Variants in STK32A observed in about 807,000 individuals in gnomAD.
The protein encoded by STK32A is serine/threonine kinase 32A.
A neutral mutation model predicts 53.2 loss-of-function variants in STK32A; 41 were observed. The ratio of observed to expected loss-of-function variants is 0.77; its 90% CI spans 0.60 to 1.00. The LOEUF (loss-of-function observed/expected upper bound fraction) is 1.00, where lower values mean the gene tolerates loss of function less well. STK32A is among the 50% of genes least tolerant of loss of function. The pLI is 0.00. For synonymous variants in STK32A, 166 were observed against 162.8 expected (o/e 1.02, Z -0.15); for missense variants, 458 against 485.8 (o/e 0.94, Z 0.54).
intron 6 of STK32A, 41 bp from the exon 7 acceptor site, chr5:147,351,024 A>C: frequency 1.3e-6 from 2 of 1,566,696 alleles, no homozygotes; most frequent in East Asian, 4.5e-5. Context: ...CACTGGGTTG[A>C]ATGGGACTTA....
chr5:147,251,248 G>C (rs886830744), intron 2 of STK32A, among the ~76,000 whole-genome samples: 1 of 152,110 alleles, frequency 6.6e-6, no homozygotes, highest in Non-Finnish European at 1.5e-5. Flanking sequence ...AATTCTAACT[G>C]TCTCTTAGGC....
At chr5:147,276,783 A>G (rs1755280499) in intron 2 of STK32A, among the ~76,000 whole-genome samples, 1 of 152,204 alleles carries the variant, frequency 6.6e-6, no homozygotes, top group African/African-American at 2.4e-5. Flanking sequence ...GTACGTAAAC[A>G]GCTTTAGTAG....
chr5:147,307,094 C>T (rs1753442977), intron 4 of STK32A, among the ~76,000 whole-genome samples: 1 of 151,828 alleles, frequency 6.6e-6, no homozygotes, highest in African/African-American at 2.4e-5. Context: ...CATAATATAC[C>T]AGAAGTAAAA....
chr5:147,265,226 T>G (rs1237870904), intron 2 of STK32A, among the ~76,000 whole-genome samples: 1 of 151,246 alleles, frequency 6.6e-6, no homozygotes, highest in African/African-American at 2.4e-5. Context: ...ATTTCAAATA[T>G]CTTGTAAATG....
chr5:147,282,409 G>A (rs1752108014), intron 4 of STK32A, among the ~76,000 whole-genome samples: 1 of 152,062 alleles, frequency 6.6e-6, no homozygotes, highest in Non-Finnish European at 1.5e-5. Context: ...AGGCAACAAA[G>A]AGCATGATGA....
rs544728000 is a variant in STK32A at position 147,253,193 on chromosome 5, T to A, written c.52+13507T>A. On this transcript the variant is annotated intron_variant, in intron 2 of 12. Coordinates refer to ENST00000397936, the MANE Select transcript of STK32A (RefSeq NM_001112724.2). Reference sequence around the variant, plus strand: ...ATTGCAATTTTGTAACTTTTGATAATCCTTTGATCCTGAAAAAAATTTTTT... The same window carrying A: ...ATTGCAATTTTGTAACTTTTGATAAACCTTTGATCCTGAAAAAAATTTTTT... Among the ~76,000 whole-genome samples the A allele has an allele frequency of 4.6e-5, 7 of 152,298 alleles. No individual in the cohort carries two copies. The East Asian group carries it at 1.3e-3, about 29-fold the overall frequency.
At chr5:147,307,814 C>T (rs145258533) in intron 4 of STK32A, among the ~76,000 whole-genome samples, 1 of 152,050 alleles carries the variant, frequency 6.6e-6, no homozygotes, top group African/African-American at 2.4e-5. Context: ...ACTTTCCTTA[C>T]GTCACCACAG....
At chr5:147,293,503 A>T (rs1752709142) in intron 4 of STK32A, among the ~76,000 whole-genome samples, 3 of 133,244 alleles carry the variant, frequency 2.3e-5, no homozygotes, top group African/African-American at 8.5e-5. Flanking sequence ...AAAAAAAAAA[A>T]AGGACTAAAT....
rs1757523278 is a variant in STK32A at position 147,383,278 on chromosome 5, G to A, written c.1033-163G>A. On this transcript the variant is annotated intron_variant, in intron 11 of 12. Transcript: ENST00000397936. ...ATTCCTGGTGCTTCCTGTTTTGCCA[G>A]CTTCCCGGAATCTTCTTCACATAGC... 4.6e-6 allele frequency: 3 copies of A among 652,424 alleles called. No individual in the cohort carries two copies. In the South Asian group the frequency reaches 5.8e-5, roughly 13 times the overall value. The allele number at this position is 652,424 out of a possible 1,614,324, so 40.4% of individuals were successfully genotyped here. A position where few individuals can be genotyped will look rare whatever the true frequency, so the allele number is the denominator to read the frequency against.
At chr5:147,335,661 C>G (rs941858950) in intron 5 of STK32A, among the ~76,000 whole-genome samples, 3 of 152,210 alleles carry the variant, frequency 2.0e-5, no homozygotes, top group Non-Finnish European at 4.4e-5. Context: ...GGGTCACCAG[C>G]CCATCCCTGA....
At chr5:147,303,198 G>A (rs1252955861) in intron 4 of STK32A, among the ~76,000 whole-genome samples, 1 of 152,172 alleles carries the variant, frequency 6.6e-6, no homozygotes, top group Non-Finnish European at 1.5e-5. Context: ...CATTATGACA[G>A]ATTTTGCTAT....
At chr5:147,299,808 C>T (rs1307839632) in intron 4 of STK32A, among the ~76,000 whole-genome samples, 1 of 152,134 alleles carries the variant, frequency 6.6e-6, no homozygotes, top group East Asian at 1.9e-4. Flanking sequence ...GTAACGTAAG[C>T]TATTGATAGG....
chr5:147,261,644 TGAAAA>T (rs1272190007), intron 2 of STK32A, among the ~76,000 whole-genome samples: 1 of 152,168 alleles, frequency 6.6e-6, no homozygotes, highest in Non-Finnish European at 1.5e-5. Context: ...ATTAATTCTT[TGAAAA>T]GAAATTTATA....
intron 4 of STK32A, among the ~76,000 whole-genome samples, chr5:147,288,294 C>A (rs1393884536): frequency 6.6e-6 from 1 of 152,190 alleles, no homozygotes; most frequent in Non-Finnish European, 1.5e-5. Flanking sequence ...TGAGAAAAAT[C>A]TTCACAAATC....
intron 6 of STK32A, among the ~76,000 whole-genome samples, chr5:147,346,530 C>A (rs1755702242): frequency 6.6e-6 from 1 of 152,158 alleles, no homozygotes; most frequent in South Asian, 2.1e-4. Context: ...GGGAAATCCA[C>A]TGTGTGAATA....
chr5:147,331,565 T>C (rs1451972271), intron 5 of STK32A, among the ~76,000 whole-genome samples: 3 of 152,240 alleles, frequency 2.0e-5, no homozygotes, highest in Non-Finnish European at 4.4e-5. Context: ...GTAGGTACTA[T>C]ATGTTAATTT....
chr5:147,400,675 T>C, the STK32A span: 1 of 1,612,518 alleles, frequency 6.2e-7, no homozygotes, highest in South Asian at 1.1e-5. Flanking sequence ...CACCCTCCCA[T>C]GACCTCCATG....
intron 2 of STK32A, among the ~76,000 whole-genome samples, chr5:147,261,743 A>G (rs1368354986): frequency 6.6e-6 from 1 of 152,182 alleles, no homozygotes; most frequent in Non-Finnish European, 1.5e-5. Context: ...TTTATTTAGA[A>G]GAAATCTAAT....
Position 147,355,788 on chromosome 5 carries a change from G to GTATATATATATATA in STK32A, c.562+4635_562+4636insATATATATATATAT, listed in dbSNP as rs1354487817. 3.5e-3 allele frequency among the ~76,000 whole-genome samples: 478 copies of GTATATATATATATA among 137,456 alleles called. 2 individuals are homozygous for GTATATATATATATA. Among genetic ancestry groups the GTATATATATATATA allele is most frequent in the African/African-American group, 0.012 (466 of 37,350 alleles). 90.2% of individuals were successfully genotyped at this position (137,456 alleles called of 152,430 possible). A position where few individuals can be genotyped will look rare whatever the true frequency, so the allele number is the denominator to read the frequency against. ...TGTATATGTATGTGTGTGAGTGTGT[G>GTATATATATATATA]TGTGTATATATATATATATATATAA... On this transcript the variant is annotated intron_variant, in intron 7 of 12. Transcript: ENST00000397936.
Sources: allele counts gnomAD v4.1 joint callset (sites outside exome capture counted in the v4.1 genomes callset), GRCh38; gene constraint gnomAD v4.1.1; transcripts MANE v1.5; gene names NCBI Gene and HGNC (gene_info 2026-07-23, HGNC 2026-07-21).